Variants in XRN1 observed in about 807,000 individuals in gnomAD.
XRN1 encodes the protein 5'-3' exoribonuclease 1.
Under a neutral mutation model 222.3 loss-of-function variants are expected in XRN1, and 67 were observed. The observed-to-expected ratio is 0.30, with a 90% CI of 0.25 to 0.37. XRN1 has a LOEUF of 0.37. Ranked by LOEUF, XRN1 falls within the 10% of genes least tolerant of loss-of-function variation. The pLI is 1.00. For synonymous variants in XRN1, 643 were observed against 652.4 expected (o/e 0.99, Z 0.22); for missense variants, 1,707 against 2,000.2 (o/e 0.85, Z 2.80).
rs371558400 is a variant in XRN1 at position 142,447,976 on chromosome 3, C to G, written c.-32G>C. 6.7e-4 allele frequency: 1,085 copies of G among 1,609,184 alleles called. 1 individual carries two copies. Among genetic ancestry groups the G allele is most frequent in the Non-Finnish European group, 8.0e-4 (941 of 1,177,434 alleles). On this transcript the variant is annotated 5_prime_UTR_variant, in exon 1 of 41. Coordinates refer to ENST00000392981, the MANE Select transcript of XRN1 (RefSeq NM_001282857.2). This position sits in a 1 kb window ranked among gnomAD's most constrained non-coding sequence, Gnocchi z 4.2. ...CGTCAACACTAATCCCAGTCAGGGC[C>G]AAACCGAAACCAAACGCCCCGCCGG... is the stretch of plus-strand genomic sequence containing the variant.
intron 23 of XRN1, among the ~76,000 whole-genome samples, chr3:142,377,898 C>A (rs75100269): frequency 6.6e-6 from 1 of 152,112 alleles, no homozygotes; most frequent in African/African-American, 2.4e-5. Context: ...ATCTAAAGAG[C>A]CACTCTCCTG....
intron 27 of XRN1, 145 bp downstream of exon 27, chr3:142,370,339 CT>C: frequency 9.2e-7 from 1 of 1,083,622 alleles, no homozygotes; most frequent in Non-Finnish European, 1.2e-6. Flanking sequence ...ATGGTTAGAA[CT>C]TTTTTAAATT....
chr3:142,373,624 G>A (rs534438525), intron 25 of XRN1, among the ~76,000 whole-genome samples: 2 of 152,268 alleles, frequency 1.3e-5, no homozygotes, highest in African/African-American at 4.8e-5. Context: ...CAGAAATTCA[G>A]AATCAGAATG....
At chr3:142,433,510 A>G (rs1055993507) in intron 1 of XRN1, among the ~76,000 whole-genome samples, 1 of 152,230 alleles carries the variant, frequency 6.6e-6, no homozygotes, top group Non-Finnish European at 1.5e-5. Flanking sequence ...CTGCTTTTAT[A>G]AGAAGACCTT....
chr3:142,376,427 T>C (rs779812862), intron 24 of XRN1, 52 bp downstream of exon 24: 26 of 1,289,674 alleles, frequency 2.0e-5, no homozygotes, highest in Non-Finnish European at 2.8e-5. Flanking sequence ...ATTTAATCTT[T>C]ATCATTTAAT....
At chr3:142,332,583 G>A (rs765754390) in intron 35 of XRN1, 49 bp from the exon 36 acceptor site, 2 of 1,503,098 alleles carry the variant, frequency 1.3e-6, no homozygotes. Flanking sequence ...AGAGAACAAA[G>A]TCAACATTAC....
chr3:142,443,624 CTA>C (rs1171102978), intron 1 of XRN1, among the ~76,000 whole-genome samples: 1 of 152,218 alleles, frequency 6.6e-6, no homozygotes, highest in Non-Finnish European at 1.5e-5. Flanking sequence ...TGTTTTCACT[CTA>C]TGTCACTCTA....
chr3:142,330,269 T>C (rs1364010464), intron 36 of XRN1, among the ~76,000 whole-genome samples: 1 of 152,218 alleles, frequency 6.6e-6, no homozygotes, highest in Non-Finnish European at 1.5e-5. Context: ...ACCTCAATTC[T>C]TGCAATTCCA....
At chr3:142,421,955 C>T (rs1184496994) in intron 8 of XRN1, among the ~76,000 whole-genome samples, 1 of 152,138 alleles carries the variant, frequency 6.6e-6, no homozygotes, top group Non-Finnish European at 1.5e-5. Context: ...ATAATAAACA[C>T]TGTGATGCAT....
At chr3:142,384,465 G>T in intron 21 of XRN1, 58 bp downstream of exon 21, 1 of 1,346,974 alleles carries the variant, frequency 7.4e-7, no homozygotes, top group Non-Finnish European at 1.0e-6. Context: ...TCATTATACA[G>T]TGAATAGTGT....
chr3:142,374,232 T>G (rs2067071952), intron 25 of XRN1, among the ~76,000 whole-genome samples: 1 of 152,058 alleles, frequency 6.6e-6, no homozygotes, highest in Non-Finnish European at 1.5e-5. Flanking sequence ...ACTGAATTCC[T>G]AGGATGACAG....
chr3:142,383,200 C>T (rs967766180), intron 22 of XRN1, 100 bp downstream of exon 22: 1 of 919,026 alleles, frequency 1.1e-6, no homozygotes, highest in African/African-American at 1.7e-5. Flanking sequence ...TTTATTTTTT[C>T]CCTTCATTAT....
At position 142,398,505 on chromosome 3, in the gene XRN1, T is replaced by G. The variant is rs2108008772; in HGVS notation, c.2208-1045A>C. Among the ~76,000 whole-genome samples, 2 of 152,072 alleles carry G rather than the reference T, an allele frequency of 1.3e-5. 1 individual carries two copies. Among genetic ancestry groups the G allele is most frequent in the South Asian group, 4.2e-4 (2 of 4,810 alleles). ...CCTCAGTCTCTTGAGAAGCTAGGACTACAGGTGCACACCACCATGCCTAGC... is the reference window on the plus strand; with the variant it reads ...CCTCAGTCTCTTGAGAAGCTAGGACGACAGGTGCACACCACCATGCCTAGC... On this transcript the variant is annotated intron_variant, in intron 19 of 40. Coordinates refer to ENST00000392981, the MANE Select transcript of XRN1 (RefSeq NM_001282857.2).
chr3:142,429,121 T>C (rs1050090145), intron 2 of XRN1, among the ~76,000 whole-genome samples: 2 of 151,310 alleles, frequency 1.3e-5, no homozygotes, highest in Non-Finnish European at 2.9e-5. Flanking sequence ...AAGAAAGAAG[T>C]ATTCTTTGGA....
chr3:142,428,065 G>A (rs2069335536), intron 2 of XRN1, among the ~76,000 whole-genome samples: 1 of 151,976 alleles, frequency 6.6e-6, no homozygotes, highest in Non-Finnish European at 1.5e-5. Flanking sequence ...ATTCAATGTT[G>A]TTATGTCACA....
chr3:142,388,587 T>C (rs2067597524), intron 20 of XRN1, among the ~76,000 whole-genome samples: 1 of 152,236 alleles, frequency 6.6e-6, no homozygotes, highest in Non-Finnish European at 1.5e-5. Flanking sequence ...CACCTTGATA[T>C]TGATGGCTGT....
chr3:142,380,280 G>A (rs2067264534), intron 22 of XRN1, 100 bp from the exon 23 acceptor site: 1 of 969,574 alleles, frequency 1.0e-6, no homozygotes, highest in Non-Finnish European at 1.5e-6. Flanking sequence ...TGACAAGTTG[G>A]ATAGTGGAAA....
chr3:142,365,462 C>A, intron 27 of XRN1, 96 bp from the exon 28 acceptor site: 1 of 864,228 alleles, frequency 1.2e-6, no homozygotes, highest in Non-Finnish European at 1.6e-6. Flanking sequence ...TTTAAAAAGC[C>A]AAATGAAGAG....
At chr3:142,411,304 G>A (rs1268882454) in intron 15 of XRN1, among the ~76,000 whole-genome samples, 3 of 152,008 alleles carry the variant, frequency 2.0e-5, no homozygotes, top group African/African-American at 7.2e-5. Context: ...AACTTTTGAT[G>A]TCATTAATTA....
Sources: allele counts gnomAD v4.1 joint callset (sites outside exome capture counted in the v4.1 genomes callset), GRCh38; gene constraint gnomAD v4.1.1; non-coding constraint Gnocchi (gnomAD v3.1); transcripts MANE v1.5; gene names NCBI Gene and HGNC (gene_info 2026-07-23, HGNC 2026-07-21).